The following TSHZ1 variants were observed in gnomAD, a reference collection of about 807,000 sequenced individuals.
The protein encoded by TSHZ1 is teashirt homolog 1.
In TSHZ1, 12 loss-of-function variants were observed where a neutral mutation model predicts 67.1. That is an observed-to-expected ratio of 0.18 (90% CI 0.11 to 0.29). TSHZ1 has a LOEUF of 0.29. Among genes scored for constraint, TSHZ1 ranks in the 10% least tolerant of loss-of-function variants. The pLI is 1.00. For missense variants in TSHZ1, 1,305 were observed against 1,413.9 expected (o/e 0.92, Z 1.23); for synonymous variants, 632 against 622.4 (o/e 1.02, Z -0.23).
chr18:75,220,192 G>C (rs1234337453), intron 1 of TSHZ1, among the ~76,000 whole-genome samples: 1 of 152,148 alleles, frequency 6.6e-6, no homozygotes, highest in Admixed American at 6.5e-5. Context: ...CTCCATGTAG[G>C]GCTAAAGTGC....
chr18:75,237,464 G>GT, intron 1 of TSHZ1, among the ~76,000 whole-genome samples: 1 of 152,306 alleles, frequency 6.6e-6, no homozygotes, highest in African/African-American at 2.4e-5. Context: ...TGAGGCTGCA[G>GT]TGAGCCATGA....
chr18:75,222,350 G>C (rs1433548335), intron 1 of TSHZ1, among the ~76,000 whole-genome samples: 1 of 152,170 alleles, frequency 6.6e-6, no homozygotes, highest in East Asian at 1.9e-4. Context: ...TAGGTGCAGA[G>C]AGGGAGTTTG....
At chr18:75,248,126 C>CA in intron 1 of TSHZ1, among the ~76,000 whole-genome samples, 1 of 152,268 alleles carries the variant, frequency 6.6e-6, no homozygotes, top group East Asian at 1.9e-4. Flanking sequence ...TGTGAGCTTA[C>CA]AAAAATGTTT....
intron 1 of TSHZ1, among the ~76,000 whole-genome samples, chr18:75,232,580 G>C (rs916821018): frequency 5.9e-5 from 9 of 152,152 alleles, no homozygotes; most frequent in Admixed American, 1.3e-4. Flanking sequence ...TTGACAGATA[G>C]TTCTGCACAT....
chr18:75,218,935 A>C (rs945697909), intron 1 of TSHZ1, among the ~76,000 whole-genome samples: 1 of 151,402 alleles, frequency 6.6e-6, no homozygotes, highest in East Asian at 1.9e-4. Context: ...TTTTTTTTTT[A>C]CTCAAATTTT....
Position 75,288,595 on chromosome 18 carries a change from C to A in TSHZ1, c.3188C>A (p.Ser1063Tyr). 6.2e-7 allele frequency: 1 copy of A among 1,611,588 alleles called. No homozygotes were observed. The highest frequency in any genetic ancestry group is 1.3e-5 in the African/African-American group (1 of 74,924). Residue 1063 changes from serine (S) to tyrosine (Y), a missense_variant, in exon 2 of 2, where the codon TCT (serine) becomes TAT (tyrosine). Ser to Tyr is a moderately radical substitution (Grantham distance 144). This residue lies in a region of TSHZ1 where 909 missense variants were observed against 961.8 expected (regional missense o/e 0.95). Coordinates refer to ENST00000580243, the MANE Select transcript of TSHZ1 (RefSeq NM_001308210.2). This position sits in a 1 kb window ranked among gnomAD's most constrained non-coding sequence, Gnocchi z 4.9. ...KLHLSKTHGK[S>Y]PEDHLIYVTE... Reference sequence around the variant, plus strand: ...CACCTTAGTAAGACCCACGGCAAGTCTCCCGAGGACCACCTGATCTATGTG... The same window carrying A: ...CACCTTAGTAAGACCCACGGCAAGTATCCCGAGGACCACCTGATCTATGTG...
chr18:75,237,901 C>T (rs2023099285), intron 1 of TSHZ1, among the ~76,000 whole-genome samples: 1 of 152,038 alleles, frequency 6.6e-6, no homozygotes, highest in Non-Finnish European at 1.5e-5. Flanking sequence ...CAACCTCCGC[C>T]TCCTGGGTTC....
intron 1 of TSHZ1, among the ~76,000 whole-genome samples, chr18:75,271,272 CGT>C (rs1259934166): frequency 1.3e-5 from 2 of 152,172 alleles, no homozygotes; most frequent in Admixed American, 1.3e-4. Context: ...AAGGGCCCTG[CGT>C]ATCACCTCGT....
At chr18:75,280,080 G>A (rs2023666413) in intron 1 of TSHZ1, among the ~76,000 whole-genome samples, 1 of 152,240 alleles carries the variant, frequency 6.6e-6, no homozygotes, top group Non-Finnish European at 1.5e-5. Context: ...ATATAATTTT[G>A]TCTTCTGCTT....
chr18:75,234,294 C>T (rs2023038431), intron 1 of TSHZ1, among the ~76,000 whole-genome samples: 1 of 152,172 alleles, frequency 6.6e-6, no homozygotes. Context: ...TGGGCCCTCT[C>T]CTTAACTCCT....
intron 1 of TSHZ1, among the ~76,000 whole-genome samples, chr18:75,260,767 G>A (rs950594342): frequency 5.3e-5 from 8 of 152,242 alleles, no homozygotes; most frequent in South Asian, 4.1e-4. Context: ...TGTGAAACAC[G>A]CCCTGGTTGA....
At chr18:75,284,316 T>C (rs1265608056) in intron 1 of TSHZ1, 2 of 152,662 alleles carry the variant, frequency 1.3e-5, no homozygotes, top group African/African-American at 4.8e-5. Context: ...CTTCAGCCCA[T>C]GAAGTCGCTC....
At chr18:75,258,786 A>G (rs1242588169) in intron 1 of TSHZ1, among the ~76,000 whole-genome samples, 3 of 152,074 alleles carry the variant, frequency 2.0e-5, no homozygotes, top group Non-Finnish European at 2.9e-5. Context: ...TGCCCTCCTC[A>G]CTCGAGCTCA....
At chr18:75,271,916 A>G (rs1282146453) in intron 1 of TSHZ1, among the ~76,000 whole-genome samples, 1 of 152,216 alleles carries the variant, frequency 6.6e-6, no homozygotes, top group African/African-American at 2.4e-5. Context: ...TTGAGCCCGG[A>G]TAATATGATC....
chr18:75,257,824 C>T lies in TSHZ1; in HGVS notation c.41-27624C>T, dbSNP rs552876649. 2.6e-5 allele frequency among the ~76,000 whole-genome samples: 4 copies of T among 152,246 alleles called. No homozygotes were observed. In the South Asian group the frequency reaches 8.3e-4, roughly 32 times the overall value. On this transcript the variant is annotated intron_variant, in intron 1 of 1. Coordinates refer to ENST00000580243, the MANE Select transcript of TSHZ1 (RefSeq NM_001308210.2). ...CCGTGGTAACAGAAGCTCTGCCATCCCCTAGCTCTGTGAGCTTGGGTGCCT... is the reference window on the plus strand; with the variant it reads ...CCGTGGTAACAGAAGCTCTGCCATCTCCTAGCTCTGTGAGCTTGGGTGCCT...
intron 1 of TSHZ1, among the ~76,000 whole-genome samples, chr18:75,265,934 C>T (rs1211230943): frequency 1.3e-5 from 2 of 152,170 alleles, no homozygotes; most frequent in African/African-American, 4.8e-5. Context: ...ATTTGGGAAT[C>T]AGTTTACAAA....
At chr18:75,240,010 G>C (rs2023133291) in intron 1 of TSHZ1, among the ~76,000 whole-genome samples, 1 of 152,202 alleles carries the variant, frequency 6.6e-6, no homozygotes, top group Non-Finnish European at 1.5e-5. Flanking sequence ...TTTGTTGAAT[G>C]TGATGAATAT....
At position 75,288,393 on chromosome 18, in the gene TSHZ1, A is replaced by C; in HGVS notation, c.2986A>C (p.Ser996Arg). The change falls in exon 2 of 2, where the codon AGC becomes CGC. Residue 996 changes from serine to arginine, a missense_variant. Physicochemically the swap from Ser to Arg is moderately radical, Grantham distance 110. This residue lies in a region of TSHZ1 where 909 missense variants were observed against 961.8 expected (regional missense o/e 0.95). Coordinates refer to ENST00000580243, the MANE Select transcript of TSHZ1 (RefSeq NM_001308210.2). The surrounding 1 kb of genome is among the most constrained non-coding windows in gnomAD (Gnocchi z 4.9). ...ISHLETHLGF[S>R]LKDLSKLPLN... The stretch of plus-strand genomic sequence containing the variant: ...TCATTTGGAGACACACTTGGGCTTC[A>C]GCCTGAAGGATCTCTCCAAGCTGCC... 13 of 1,614,220 alleles carry C rather than the reference A, an allele frequency of 8.1e-6. No individual in the cohort carries two copies. The highest frequency in any genetic ancestry group is 1.1e-5 in the Non-Finnish European group (13 of 1,180,038).
intron 1 of TSHZ1, among the ~76,000 whole-genome samples, chr18:75,214,457 G>T (rs1193030197): frequency 1.3e-5 from 2 of 152,202 alleles, no homozygotes; most frequent in African/African-American, 4.8e-5. Flanking sequence ...AAGAAAGAGG[G>T]CAATGATATA....
Sources: allele counts gnomAD v4.1 joint callset (sites outside exome capture counted in the v4.1 genomes callset), GRCh38; gene constraint gnomAD v4.1.1; regional missense constraint gnomAD v4.1.1; non-coding constraint Gnocchi (gnomAD v3.1); transcripts MANE v1.5; gene names NCBI Gene and HGNC (gene_info 2026-07-23, HGNC 2026-07-21).